ZNF91: variants seen among roughly 807,000 people sequenced by gnomAD.
ZNF91 encodes the protein zinc finger protein 91 (HPF7, HTF10).
ZNF91 carries 7 observed loss-of-function variants against 12.6 expected under a neutral mutation model. The observed-to-expected ratio is 0.55, with a 90% confidence interval of 0.31 to 1.04. The LOEUF (loss-of-function observed/expected upper bound fraction) is 1.04. Among genes scored for constraint, ZNF91 ranks in the 50% least tolerant of loss-of-function variants. The pLI is 0.05. For synonymous variants in ZNF91, 453 were observed against 462.6 expected (o/e 0.98, Z 0.27); for missense variants, 1,217 against 1,385.4 (o/e 0.88, Z 1.93).
intron 1 of ZNF91, among the ~76,000 whole-genome samples, chr19:23,309,663 G>A (rs1178731345): frequency 6.6e-6 from 1 of 152,138 alleles, no homozygotes; most frequent in Non-Finnish European, 1.5e-5. Flanking sequence ...GTGCACAGGT[G>A]CAATAATGAC....
At chr19:23,347,157 C>T (rs28863788) in intron 3 of ZNF91, among the ~76,000 whole-genome samples, 6,111 of 152,124 alleles carry the variant, frequency 0.04, 385 homozygotes, top group African/African-American at 0.14. Context: ...TTCCTAGGCA[C>T]CACCTCCCAA....
chr19:23,326,459 C>T (rs1967839567), intron 1 of ZNF91: 1 of 152,126 alleles, frequency 6.6e-6, no homozygotes, highest in Admixed American at 6.6e-5. Context: ...TCCCAAGTAG[C>T]TCCGATTACA....
intron 1 of ZNF91, among the ~76,000 whole-genome samples, chr19:23,331,816 A>C (rs1262812340): frequency 6.6e-6 from 1 of 152,192 alleles, no homozygotes; most frequent in Non-Finnish European, 1.5e-5. Context: ...ACACTGGTCA[A>C]ATTCTTATGT....
intron 1 of ZNF91, among the ~76,000 whole-genome samples, chr19:23,383,305 A>C (rs914922016): frequency 6.6e-6 from 1 of 152,244 alleles, no homozygotes; most frequent in African/African-American, 2.4e-5. Flanking sequence ...TTTCATGTTA[A>C]AAATCCTCAA....
upstream of ZNF91, among the ~76,000 whole-genome samples, chr19:23,315,456 G>T (rs1304331898): frequency 6.6e-6 from 1 of 152,104 alleles, no homozygotes; most frequent in Non-Finnish European, 1.5e-5. Flanking sequence ...CCACAGAAGG[G>T]ATAATGAATT....
At chr19:23,355,264 C>G (rs1260780781), downstream of ZNF91, among the ~76,000 whole-genome samples, 1 of 152,106 alleles carries the variant, frequency 6.6e-6, no homozygotes, top group Non-Finnish European at 1.5e-5. Flanking sequence ...AAAATAGGCA[C>G]ATAGACCAAT....
At chr19:23,390,960 G>C (rs1970047478) in intron 1 of ZNF91, among the ~76,000 whole-genome samples, 1 of 152,208 alleles carries the variant, frequency 6.6e-6, no homozygotes, top group Admixed American at 6.5e-5. Flanking sequence ...TAGTGCTGCA[G>C]TGAACACCCT....
chr19:23,359,282 G>A lies in ZNF91; in HGVS notation c.*121C>T. 2.0e-6 allele frequency: 1 copy of A among 507,472 alleles called. No homozygotes were observed. The highest frequency in any genetic ancestry group is 3.6e-5 in the East Asian group (1 of 28,056). 31.4% of individuals were successfully genotyped at this position (507,472 alleles called of 1,614,324 possible). A position where few individuals can be genotyped will look rare whatever the true frequency, so the allele number is the denominator to read the frequency against. ...CTGTCGCCCAGGCTTGAGTGCAGTG[G>A]CGTGATCTCGGCTCACTGCAAGCTC... On this transcript the variant is annotated 3_prime_UTR_variant, in exon 4 of 4. Coordinates refer to ENST00000300619, the MANE Select transcript of ZNF91 (RefSeq NM_003430.4).
chr19:23,392,396 C>CAAAAAAAAA (rs71163502), intron 1 of ZNF91, among the ~76,000 whole-genome samples: 1 of 70,406 alleles, frequency 1.4e-5, no homozygotes, highest in African/African-American at 5.1e-5. Context: ...AACTCCATCT[C>CAAAAAAAAA]AAAAAAAAAA....
chr19:23,362,242 G>A lies in ZNF91; in HGVS notation c.737C>T (p.Ala246Val), dbSNP rs1968824469. ...AGTAAGGGTTGAGAGCTGCTTAAAAGCTTTGCCACATTCTTCACATTTGTA... is the reference window on the plus strand; with the variant it reads ...AGTAAGGGTTGAGAGCTGCTTAAAAACTTTGCCACATTCTTCACATTTGTA... Reference protein sequence around the residue: ...KPYKCEECGKAFKQLSTLTTH... With the variant: ...KPYKCEECGKVFKQLSTLTTH... Residue 246 changes from alanine to valine, a missense_variant, in exon 4 of 4, where the codon GCT becomes GTT. By Grantham distance (64) the Ala-to-Val change is moderately conservative. Around this residue, in one of 2 missense-constraint regions of ZNF91, gnomAD observed 726 missense variants for 895.5 expected, o/e 0.81. Transcript: ENST00000300619. 1.9e-6 allele frequency: 3 copies of A among 1,613,926 alleles called. No homozygotes were observed. The highest frequency in any genetic ancestry group is 2.5e-6 in the Non-Finnish European group (3 of 1,179,996).
At chr19:23,351,405 AT>A (rs1968362964) in intron 3 of ZNF91, among the ~76,000 whole-genome samples, 1 of 152,092 alleles carries the variant, frequency 6.6e-6, no homozygotes, top group Non-Finnish European at 1.5e-5. Context: ...AGTGAGTATT[AT>A]TTGTGATATG....
chr19:23,368,556 C>CTA (rs1380653223), intron 3 of ZNF91, among the ~76,000 whole-genome samples: 434 of 117,682 alleles, frequency 3.7e-3, no homozygotes, highest in African/African-American at 7.0e-3. Flanking sequence ...CTCTCTCTCT[C>CTA]TCTCTCTATA....
Position 23,373,825 on chromosome 19 carries a change from G to C in ZNF91, c.170C>G (p.Ser57Cys). ...CAGATAAGTAATCAGGTCTGGCTTA[G>C]AGAGAGCAATACCTGTTTTATTAAA... Reference protein sequence around the residue: ...RNLAFLGIALSKPDLITYLEQ... With the variant: ...RNLAFLGIALCKPDLITYLEQ... Residue 57 changes from serine to cysteine, a missense_variant, in exon 3 of 4, where the codon TCT becomes TGT. Ser to Cys is a moderately radical substitution (Grantham distance 112). Around this residue, in one of 2 missense-constraint regions of ZNF91, gnomAD observed 726 missense variants for 895.5 expected, o/e 0.81. Transcript: ENST00000300619. 1.2e-6 allele frequency: 2 copies of C among 1,604,316 alleles called. No homozygotes were observed. The highest frequency in any genetic ancestry group is 1.3e-5 in the African/African-American group (1 of 74,414).
chr19:23,382,425 A>C (rs1969749708), intron 1 of ZNF91, among the ~76,000 whole-genome samples: 1 of 152,226 alleles, frequency 6.6e-6, no homozygotes, highest in South Asian at 2.1e-4. Flanking sequence ...CAGACACAAT[A>C]ATAGTGGGAG....
At chr19:23,332,939 A>C (rs978178740) in intron 1 of ZNF91, among the ~76,000 whole-genome samples, 3 of 152,192 alleles carry the variant, frequency 2.0e-5, no homozygotes, top group Non-Finnish European at 2.9e-5. Context: ...GTCAAGGATC[A>C]AATTTTTACC....
intron 3 of ZNF91, among the ~76,000 whole-genome samples, chr19:23,346,298 G>A (rs185161951): frequency 9.0e-4 from 136 of 151,848 alleles, no homozygotes; most frequent in Non-Finnish European, 1.7e-3. Flanking sequence ...CCCAGCTCAG[G>A]TGCATGCCAA....
chr19:23,362,783 A>G, intron 3 of ZNF91, 58 bp from the exon 4 acceptor site: 1 of 1,330,042 alleles, frequency 7.5e-7, no homozygotes. Flanking sequence ...TCACATGAAT[A>G]TAGTTTAAAA....
intron 1 of ZNF91, chr19:23,384,444 G>GA (rs2145126056): frequency 2.8e-6 from 1 of 358,940 alleles, no homozygotes; most frequent in East Asian, 8.8e-5. Context: ...AGTTCCTAAC[G>GA]AAAAAGATTC....
At chr19:23,349,557 T>C (rs1968312773) in intron 3 of ZNF91, among the ~76,000 whole-genome samples, 1 of 152,180 alleles carries the variant, frequency 6.6e-6, no homozygotes, top group Admixed American at 6.5e-5. Context: ...AATGAGGCCA[T>C]GCCCCTTCCT....
Sources: gnomAD v4.1 joint callset for allele counts (sites outside exome capture counted in the v4.1 genomes callset) on GRCh38, gnomAD v4.1.1 for gene constraint, gnomAD v4.1.1 regional missense constraint, MANE v1.5 for transcripts, NCBI Gene and HGNC (gene_info 2026-07-23, HGNC 2026-07-21) for gene names.